DOCK2: variants seen among roughly 807,000 people sequenced by gnomAD.
DOCK2 encodes the protein dedicator of cytokinesis 2, also known as dedicator of cytokinesis protein 2.
In DOCK2, 87 loss-of-function variants were observed where a neutral mutation model predicts 248.9. That is an observed-to-expected ratio of 0.35 (90% confidence interval 0.29 to 0.42). DOCK2 has a LOEUF of 0.42. DOCK2 is among the 10% of genes least tolerant of loss of function. The probability of loss-of-function intolerance (pLI) is 1.00; values close to 1 mark genes in which losing one functional copy is unlikely to be tolerated. For synonymous variants in DOCK2, 805 were observed against 821.6 expected, an observed-to-expected ratio of 0.98 and a Z score of 0.35; for missense variants, 1,747 against 2,300.2, an observed-to-expected ratio of 0.76 and a Z score of 4.92.
At chr5:170,021,964 G>A (rs750010330) in intron 33 of DOCK2, among the ~76,000 whole-genome samples, 1 of 152,162 alleles carries the variant, frequency 6.6e-6, no homozygotes, top group Non-Finnish European at 1.5e-5. Context: ...ATAATCCCAT[G>A]AGAGAAGAAC....
intron 27 of DOCK2, among the ~76,000 whole-genome samples, chr5:169,972,955 A>G (rs1363286923): frequency 6.6e-6 from 1 of 152,168 alleles, no homozygotes; most frequent in Non-Finnish European, 1.5e-5. Context: ...GTGTGCTGTG[A>G]CTAGCAGATC....
intron 27 of DOCK2, among the ~76,000 whole-genome samples, chr5:169,942,416 T>A (rs1257631591): frequency 6.6e-6 from 1 of 152,190 alleles, no homozygotes; most frequent in East Asian, 1.9e-4. Flanking sequence ...ACACAATTCA[T>A]TTCTGATTAG....
intron 27 of DOCK2, chr5:169,881,277 T>G (rs1772630990): frequency 9.2e-7 from 1 of 1,091,392 alleles, no homozygotes; most frequent in African/African-American, 1.6e-5. Flanking sequence ...TTTGCCTCTC[T>G]TGACTTTTTG....
intron 39 of DOCK2, among the ~76,000 whole-genome samples, chr5:170,047,204 C>T (rs1307947604): frequency 1.3e-5 from 2 of 152,130 alleles, no homozygotes; most frequent in Non-Finnish European, 2.9e-5. Context: ...CTGGGTTCAG[C>T]TCCATGCTTA....
At chr5:169,688,986 C>T (rs1172408674) in intron 8 of DOCK2, among the ~76,000 whole-genome samples, 2 of 152,170 alleles carry the variant, frequency 1.3e-5, no homozygotes, top group African/African-American at 2.4e-5. Flanking sequence ...TATTAGACAG[C>T]TGTGCCAGAA....
intron 24 of DOCK2, among the ~76,000 whole-genome samples, 200 bp downstream of exon 24, chr5:169,759,975 T>C (rs1374105475): frequency 6.6e-6 from 1 of 152,212 alleles, no homozygotes; most frequent in Non-Finnish European, 1.5e-5. Context: ...GAAAACCAAC[T>C]GTATAATAAG....
chr5:169,963,618 C>A (rs1029227512), intron 27 of DOCK2, among the ~76,000 whole-genome samples: 2 of 152,142 alleles, frequency 1.3e-5, no homozygotes, highest in African/African-American at 4.8e-5. Flanking sequence ...CACATCAAAG[C>A]AGGAGTTACT....
intron 27 of DOCK2, among the ~76,000 whole-genome samples, chr5:169,886,818 C>G (rs1772997042): frequency 6.6e-6 from 1 of 152,186 alleles, no homozygotes; most frequent in Non-Finnish European, 1.5e-5. Context: ...CTCATTAGCA[C>G]TTCATTCTGG....
chr5:169,743,744 T>C (rs1349505574), intron 22 of DOCK2, among the ~76,000 whole-genome samples: 1 of 151,434 alleles, frequency 6.6e-6, no homozygotes, highest in Non-Finnish European at 1.5e-5. Context: ...TGTAGTCATG[T>C]CCTGTGACTC....
rs1176647905 is a variant in DOCK2, at chr5:170,069,153, A to G, written c.4661A>G (p.Glu1554Gly). The change falls in exon 46 of 52, where the codon GAG (glutamate) becomes GGG (glycine). Residue 1554 changes from glutamate (E) to glycine (G), a missense_variant. Physicochemically the swap from Glu to Gly is moderately conservative, Grantham distance 98. Coordinates refer to ENST00000520908, the MANE Select transcript of DOCK2 (RefSeq NM_004946.3). The stretch of plus-strand genomic sequence containing the variant: ...CCTCCCCAGGCCTTCTTCACTGAAG[A>G]GTATGTCAGGGACCACCCTGAGGAC... ...AKYEKAFFTE[E>G]YVRDHPEDQD... The G allele has an allele frequency of 6.2e-7, 1 of 1,613,968 alleles. No homozygotes were observed. Among genetic ancestry groups the G allele is most frequent in the Admixed American group, 1.7e-5 (1 of 60,010 alleles).
chr5:170,036,738 C>T (rs1044676721), intron 36 of DOCK2, among the ~76,000 whole-genome samples, 183 bp downstream of exon 36: 11 of 152,198 alleles, frequency 7.2e-5, no homozygotes, highest in African/African-American at 2.7e-4. Flanking sequence ...CACAGTCAGC[C>T]CCATAAAACC....
rs541092716 is a variant in DOCK2 at position 170,041,115 on chromosome 5, C to T, written c.3726C>T (p.Tyr1242=). Residue 1242 remains tyrosine, a synonymous_variant, in exon 37 of 52, where the codon TAC becomes TAT. Transcript: ENST00000520908. ...LDCDNYTEAA[Y]TLLLHTWLLK... ...GTGACAATTACACAGAGGCTGCCTA[C>T]ACGCTCCTTCTCCACACCTGGCTTC... The T allele has an allele frequency of 6.2e-7, 1 of 1,614,162 alleles. No individual in the cohort carries two copies. The highest frequency in any genetic ancestry group is 1.3e-5 in the African/African-American group (1 of 75,028).
At position 170,008,497 on chromosome 5, in the gene DOCK2, C is replaced by G; in HGVS notation, c.3073C>G (p.Leu1025Val). The change falls in exon 31 of 52, where the codon CTG (leucine) becomes GTG (valine). Residue 1025 changes from leucine to valine, a missense_variant and splice_region_variant. Leu to Val is a conservative substitution (Grantham distance 32, BLOSUM62 1). This residue lies in a region of DOCK2 where 858 missense variants were observed against 1,183.5 expected (regional missense o/e 0.72). Coordinates refer to ENST00000520908, the MANE Select transcript of DOCK2 (RefSeq NM_004946.3). ...CTGTTCTCTGCTCTTTCATTTACAG[C>G]TGTGGAACAACTATTTTCATCTGGC... Reference protein sequence around the residue: ...FLEHTNFEFQLWNNYFHLAVA... With the variant: ...FLEHTNFEFQVWNNYFHLAVA... The G allele has an allele frequency of 6.2e-7, 1 of 1,614,094 alleles. No individual in the cohort carries two copies. Among genetic ancestry groups the G allele is most frequent in the African/African-American group, 1.3e-5 (1 of 75,070 alleles).
At position 169,681,819 on chromosome 5, in the gene DOCK2, C is replaced by T. The variant is rs1759685944; in HGVS notation, c.546C>T (p.Ser182=). 2.5e-6 allele frequency: 4 copies of T among 1,613,994 alleles called. No individual in the cohort carries two copies. The highest frequency in any genetic ancestry group is 1.3e-5 in the African/African-American group (1 of 75,058). Residue 182 remains serine (S), a synonymous_variant, in exon 7 of 52, where the codon AGC becomes AGT. Transcript: ENST00000520908. ...ACCCTGATAATACCAGTGTCATCAG[C>T]TTGTTCCATGCACATGAGGAAGCAA... ...ILDPDNTSVI[S]LFHAHEEATD... is the part of the protein sequence containing the mutation.
chr5:169,816,060 C>G (rs1768054106), intron 26 of DOCK2, among the ~76,000 whole-genome samples: 1 of 152,204 alleles, frequency 6.6e-6, no homozygotes, highest in African/African-American at 2.4e-5. Context: ...AGTTGGGAGA[C>G]ATGAGTTAAA....
intron 27 of DOCK2, among the ~76,000 whole-genome samples, chr5:169,946,620 T>C (rs929972746): frequency 6.6e-5 from 10 of 152,334 alleles, no homozygotes; most frequent in East Asian, 1.9e-4. Flanking sequence ...TGAGGACTCA[T>C]TGTGTATCAG....
intron 27 of DOCK2, among the ~76,000 whole-genome samples, chr5:169,893,833 A>T (rs1025641074): frequency 2.6e-5 from 4 of 152,174 alleles, no homozygotes; most frequent in African/African-American, 9.7e-5. Context: ...CACATGGGAG[A>T]GGGATCCAGT....
intron 9 of DOCK2, among the ~76,000 whole-genome samples, chr5:169,690,800 A>G (rs1760254362): frequency 6.6e-6 from 1 of 152,152 alleles, no homozygotes. Flanking sequence ...GTCACACAGC[A>G]TTAATGAGAA....
chr5:169,646,997 G>A lies in DOCK2; in HGVS notation c.44-7406G>A, dbSNP rs564636554. On this transcript the variant is annotated intron_variant, in intron 1 of 51. Coordinates refer to ENST00000520908, the MANE Select transcript of DOCK2 (RefSeq NM_004946.3). ...AATAAAACAGTTCGGGAAGCTTACAGTCCAGTCATAACCTCTCTTTCTGTA... is the reference window on the plus strand; with the variant it reads ...AATAAAACAGTTCGGGAAGCTTACAATCCAGTCATAACCTCTCTTTCTGTA... Among the ~76,000 whole-genome samples, 15 of 152,348 alleles carry A rather than the reference G, an allele frequency of 9.8e-5. No homozygotes were observed. In the South Asian group the frequency reaches 3.1e-3, roughly 32 times the overall value.
Sources: gnomAD v4.1 joint callset for allele counts (sites outside exome capture counted in the v4.1 genomes callset) on GRCh38, gnomAD v4.1.1 for gene constraint, gnomAD v4.1.1 regional missense constraint, MANE v1.5 for transcripts, NCBI Gene and HGNC (gene_info 2026-07-23, HGNC 2026-07-21) for gene names.